PTPRN2: variants seen among roughly 807,000 people sequenced by gnomAD.
The protein encoded by PTPRN2 is receptor-type tyrosine-protein phosphatase N2.
A neutral mutation model predicts 118.8 loss-of-function variants in PTPRN2; 74 were observed. The ratio of observed to expected loss-of-function variants is 0.62; its 90% CI spans 0.52 to 0.76. The LOEUF (loss-of-function observed/expected upper bound fraction) is 0.76. PTPRN2 is among the 30% of genes least tolerant of loss of function. PTPRN2 has a pLI of 0.00. For missense variants in PTPRN2, 1,481 were observed against 1,394.4 expected (o/e 1.06, Z -0.99); for synonymous variants, 641 against 608.0 (o/e 1.05, Z -0.80).
chr7:158,304,577 A>G (rs184963553), intron 3 of PTPRN2, among the ~76,000 whole-genome samples: 67 of 151,684 alleles, frequency 4.4e-4, no homozygotes, highest in South Asian at 1.0e-3. Flanking sequence ...TAAGACACCC[A>G]TCAATACCCT....
chr7:157,886,819 C>T (rs75936136), intron 12 of PTPRN2, among the ~76,000 whole-genome samples: 34 of 16,878 alleles, frequency 2.0e-3, no homozygotes, highest in African/African-American at 5.8e-3. Flanking sequence ...AAACCCACAG[C>T]GGGTCTATCC....
chr7:157,942,149 TCGGCC>T (rs879346731), intron 11 of PTPRN2, among the ~76,000 whole-genome samples: 77,965 of 143,922 alleles, frequency 0.54, 22,695 homozygotes, highest in African/African-American at 0.76. Context: ...ACAGGGGTCC[TCGGCC>T]CACCCTCCAC....
At position 158,587,637 on chromosome 7, in the gene PTPRN2, T is replaced by C. The variant is rs1829057851; in HGVS notation, c.33A>G (p.Leu11=). 2 of 1,363,164 alleles carry C rather than the reference T, an allele frequency of 1.5e-6. No individual in the cohort carries two copies. The highest frequency in any genetic ancestry group is 1.9e-6 in the Non-Finnish European group (2 of 1,060,804). 84.4% of individuals were successfully genotyped at this position (1,363,164 alleles called of 1,614,324 possible). A position where few individuals can be genotyped will look rare whatever the true frequency, so the allele number is the denominator to read the frequency against. ...GGACGCGTGGCGGCAGCAGCAGCAG[T>C]AGCAGCAGCAGCAGCGGGAGCGGCG... The part of the protein sequence containing the change: MGPPLPLLLL[L]LLLLPPRVLP... The change falls in exon 1 of 23, where the codon CTA becomes CTG. Residue 11 remains leucine, a synonymous_variant. Transcript: ENST00000389418.
At position 158,566,458 on chromosome 7, in the gene PTPRN2, G is replaced by A. The variant is rs186944252; in HGVS notation, c.112+21100C>T. ...CCCGAGGACAAGCTTTGGGAAACAG[G>A]CCCCATAGCGGGCACTTGGCAGCCC... On this transcript the variant is annotated intron_variant, in intron 1 of 22. Coordinates refer to ENST00000389418, the MANE Select transcript of PTPRN2 (RefSeq NM_002847.5). Among the ~76,000 whole-genome samples the A allele has an allele frequency of 3.8e-3, 579 of 152,272 alleles. 2 individuals are homozygous for A. The highest frequency in any genetic ancestry group is 6.8e-3 in the Middle Eastern group (2 of 292).
In PTPRN2 at chr7:157,990,224, C is replaced by T. The variant is rs1484288245; in HGVS notation, c.1723+91074G>A. ...CAGATAAATAATTCATGAGCGCCACCGGGGAAGACCGGGCACTCGTGGAGT... is the reference window on the plus strand; with the variant it reads ...CAGATAAATAATTCATGAGCGCCACTGGGGAAGACCGGGCACTCGTGGAGT... On this transcript the variant is annotated intron_variant, in intron 11 of 22. Coordinates refer to ENST00000389418, the MANE Select transcript of PTPRN2 (RefSeq NM_002847.5). The surrounding 1 kb of genome is among the most constrained non-coding windows in gnomAD (Gnocchi z 4.3). Among the ~76,000 whole-genome samples the T allele has an allele frequency of 6.6e-6, 1 of 151,928 alleles. No homozygotes were observed. The highest frequency in any genetic ancestry group is 6.5e-5 in the Admixed American group (1 of 15,272).
intron 11 of PTPRN2, among the ~76,000 whole-genome samples, chr7:158,016,992 A>T (rs1356646559): frequency 6.6e-6 from 1 of 152,198 alleles, no homozygotes; most frequent in Non-Finnish European, 1.5e-5. Flanking sequence ...AAAGGAAAAC[A>T]TTGCGTTTGG....
rs149732960 is a variant in PTPRN2 at position 158,533,465 on chromosome 7, C to T, written c.113-43680G>A. 1.1e-4 allele frequency among the ~76,000 whole-genome samples: 16 copies of T among 152,330 alleles called. No individual in the cohort carries two copies. In the East Asian group the frequency reaches 2.1e-3, roughly 20 times the overall value. ...CTTTGCCTTCCACTGAGTGGCCCAA[C>T]GTGGAGTGCTAGGAAGCCATCAGGA... is the stretch of plus-strand genomic sequence containing the variant. On this transcript the variant is annotated intron_variant, in intron 1 of 22. Transcript: ENST00000389418.
At chr7:158,303,189 T>C (rs1801022695) in intron 3 of PTPRN2, among the ~76,000 whole-genome samples, 1 of 149,404 alleles carries the variant, frequency 6.7e-6, no homozygotes, top group Non-Finnish European at 1.5e-5. Flanking sequence ...AAAAAAATTC[T>C]TTGGAGTCTT....
intron 6 of PTPRN2, among the ~76,000 whole-genome samples, chr7:158,139,050 G>T (rs916464495): frequency 6.6e-6 from 1 of 152,116 alleles, no homozygotes; most frequent in Non-Finnish European, 1.5e-5. Context: ...CAGGGTCAAA[G>T]CCTCGTCCAA....
chr7:158,523,766 ACCCTGGAGTGGAGTCTG>A (rs1563393598), intron 1 of PTPRN2, among the ~76,000 whole-genome samples: 63 of 10,182 alleles, frequency 6.2e-3, no homozygotes, highest in East Asian at 0.015. Context: ...GGAGTCGTCT[ACCCTGGAGTGGAGTCTG>A]CCCTGGAGTG....
chr7:157,743,984 C>T (rs531183521), intron 12 of PTPRN2, among the ~76,000 whole-genome samples: 31 of 152,326 alleles, frequency 2.0e-4, no homozygotes, highest in Non-Finnish European at 3.8e-4. Flanking sequence ...GAGGCGGTGC[C>T]GTGACGGGGC....
chr7:158,270,799 C>A (rs1385159311), intron 3 of PTPRN2, among the ~76,000 whole-genome samples: 4 of 41,878 alleles, frequency 9.6e-5, no homozygotes, highest in African/African-American at 5.3e-4. Flanking sequence ...CCACCTGGAC[C>A]ACCCCCTCAC....
At position 158,093,555 on chromosome 7, in the gene PTPRN2, C is replaced by T. The variant is rs139022481; in HGVS notation, c.1644-12178G>A. On this transcript the variant is annotated intron_variant, in intron 10 of 22. Coordinates refer to ENST00000389418, the MANE Select transcript of PTPRN2 (RefSeq NM_002847.5). The surrounding 1 kb of genome is among the most constrained non-coding windows in gnomAD (Gnocchi z 4.4). ...TTGGTGCTGGGCTAATCCAAGCTAC[C>T]GACAGAAAACCAATAAAAAAATGAG... is the stretch of plus-strand genomic sequence containing the variant. 5.3e-4 allele frequency among the ~76,000 whole-genome samples: 81 copies of T among 152,270 alleles called. No individual in the cohort carries two copies. Among genetic ancestry groups the T allele is most frequent in the Non-Finnish European group, 1.0e-3 (68 of 68,022 alleles).
intron 6 of PTPRN2, 51 bp downstream of exon 6, chr7:158,166,880 C>A (rs1823058221): frequency 7.1e-7 from 1 of 1,415,476 alleles, no homozygotes; most frequent in Non-Finnish European, 9.3e-7. Context: ...CTGGGAGGGG[C>A]TGGACAGAGG....
intron 2 of PTPRN2, among the ~76,000 whole-genome samples, chr7:158,462,338 G>A (rs538166579): frequency 1.7e-4 from 26 of 152,270 alleles, no homozygotes; most frequent in Admixed American, 1.5e-3. Flanking sequence ...GCCATGCACC[G>A]GAGGCCCCTG....
At chr7:158,300,255 A>T (rs75445665) in intron 3 of PTPRN2, among the ~76,000 whole-genome samples, 3 of 152,152 alleles carry the variant, frequency 2.0e-5, no homozygotes, top group African/African-American at 7.2e-5. Flanking sequence ...CCCAATGGTG[A>T]CAGTCAGGCT....
intron 12 of PTPRN2, among the ~76,000 whole-genome samples, chr7:157,805,199 C>T (rs746050816): frequency 2.6e-5 from 4 of 152,136 alleles, no homozygotes; most frequent in Non-Finnish European, 4.4e-5. Context: ...TGTTCCTCTC[C>T]CCCACAGTGC....
At chr7:158,007,826 T>C (rs1805742038) in intron 11 of PTPRN2, among the ~76,000 whole-genome samples, 2 of 140,278 alleles carry the variant, frequency 1.4e-5, no homozygotes. Flanking sequence ...GGTATATACA[T>C]GTGGGGGTGT....
intron 12 of PTPRN2, among the ~76,000 whole-genome samples, chr7:157,707,630 C>G (rs1798401429): frequency 6.6e-6 from 1 of 151,778 alleles, no homozygotes; most frequent in Non-Finnish European, 1.5e-5. Flanking sequence ...CTAGGCTGGA[C>G]TGGAGTGCAG....
Sources: gnomAD v4.1 joint callset for allele counts (sites outside exome capture counted in the v4.1 genomes callset) on GRCh38, gnomAD v4.1.1 for gene constraint, Gnocchi (gnomAD v3.1) non-coding constraint, MANE v1.5 for transcripts, NCBI Gene and HGNC (gene_info 2026-07-23, HGNC 2026-07-21) for gene names.